Variants in PHLDB2 observed in about 807,000 individuals in gnomAD.
PHLDB2 encodes the protein pleckstrin homology-like domain family B member 2.
In PHLDB2, 71 loss-of-function variants were observed where a neutral mutation model predicts 123.6. That is an observed-to-expected ratio of 0.57 (90% CI 0.47 to 0.70). The LOEUF (loss-of-function observed/expected upper bound fraction) is 0.70. PHLDB2 is among the 30% of genes least tolerant of loss of function. The pLI is 0.00. For missense variants in PHLDB2, 1,446 were observed against 1,519.5 expected, an observed-to-expected ratio of 0.95 and a Z score of 0.80; for synonymous variants, 547 against 541.6, an observed-to-expected ratio of 1.01 and a Z score of -0.14.
chr3:111,793,428 G>A (rs1375320244), intron 1 of PHLDB2, among the ~76,000 whole-genome samples: 2 of 151,994 alleles, frequency 1.3e-5, no homozygotes, highest in East Asian at 1.9e-4. Flanking sequence ...CTCCCTTCAG[G>A]GCAGTGGACT....
At chr3:111,923,516 C>G (rs910738243) in intron 5 of PHLDB2, among the ~76,000 whole-genome samples, 7 of 152,142 alleles carry the variant, frequency 4.6e-5, no homozygotes, top group African/African-American at 1.7e-4. Context: ...GTTCATAACC[C>G]TTTTTGGAAT....
chr3:111,823,957 A>T (rs1441028138), intron 1 of PHLDB2, among the ~76,000 whole-genome samples: 1 of 152,124 alleles, frequency 6.6e-6, no homozygotes, highest in Non-Finnish European at 1.5e-5. Flanking sequence ...TTCATCTGGG[A>T]TTACTCATAA....
At chr3:111,861,093 A>G (rs932228481) in intron 1 of PHLDB2, among the ~76,000 whole-genome samples, 3 of 152,210 alleles carry the variant, frequency 2.0e-5, no homozygotes, top group Non-Finnish European at 4.4e-5. Context: ...TGCCCTGTGA[A>G]CACTTGAATT....
intron 2 of PHLDB2, among the ~76,000 whole-genome samples, chr3:111,898,916 A>G (rs893899996): frequency 2.0e-5 from 3 of 152,226 alleles, no homozygotes; most frequent in South Asian, 2.1e-4. Flanking sequence ...AAAGTCATCC[A>G]TAAGGACTGG....
At chr3:111,935,500 A>AAGAT (rs67765854) in intron 6 of PHLDB2, among the ~76,000 whole-genome samples, 54,666 of 145,432 alleles carry the variant, frequency 0.38, 10,275 homozygotes, top group South Asian at 0.42. Context: ...ATGTGTATAT[A>AAGAT]AGATAGATAG....
At chr3:111,838,666 A>G (rs1021723832) in intron 1 of PHLDB2, among the ~76,000 whole-genome samples, 4 of 152,234 alleles carry the variant, frequency 2.6e-5, no homozygotes, top group Non-Finnish European at 4.4e-5. Flanking sequence ...CTGAATTTCC[A>G]ACAGAACTTT....
intron 1 of PHLDB2, among the ~76,000 whole-genome samples, chr3:111,775,841 A>C (rs2108065298): frequency 6.6e-6 from 1 of 152,304 alleles, no homozygotes; most frequent in South Asian, 2.1e-4. Context: ...AATTAGTGAG[A>C]GCTCAGAATT....
At chr3:111,948,839 C>G (rs2070502542) in intron 9 of PHLDB2, 93 bp from the exon 10 acceptor site, 7 of 1,251,238 alleles carry the variant, frequency 5.6e-6, no homozygotes, top group South Asian at 5.6e-5. Flanking sequence ...CTGTGCCGCT[C>G]TAAGCTAACT....
intron 1 of PHLDB2, among the ~76,000 whole-genome samples, chr3:111,869,792 A>G (rs1456676810): frequency 3.3e-5 from 5 of 152,252 alleles, no homozygotes; most frequent in African/African-American, 1.2e-4. Context: ...AAGAATAAAC[A>G]AGCCTCCTTA....
intron 1 of PHLDB2, among the ~76,000 whole-genome samples, chr3:111,861,244 G>A (rs2064823187): frequency 6.6e-6 from 1 of 152,196 alleles, no homozygotes; most frequent in South Asian, 2.1e-4. Context: ...AATAAAGAGC[G>A]AAGGTTCTTT....
chr3:111,810,513 T>C (rs74989081), intron 1 of PHLDB2, among the ~76,000 whole-genome samples: 4,383 of 152,226 alleles, frequency 0.029, 82 homozygotes, highest in South Asian at 0.063. Context: ...CCTTGGTGCA[T>C]GTATGTGAAG....
At chr3:111,784,214 G>T (rs1027888874) in intron 1 of PHLDB2, among the ~76,000 whole-genome samples, 6 of 152,086 alleles carry the variant, frequency 3.9e-5, no homozygotes, top group African/African-American at 1.2e-4. Flanking sequence ...GTCCGAACAG[G>T]AATTTCTCTT....
chr3:111,819,589 C>T (rs1371955603), intron 1 of PHLDB2, among the ~76,000 whole-genome samples: 1 of 152,148 alleles, frequency 6.6e-6, no homozygotes, highest in Non-Finnish European at 1.5e-5. Context: ...ATTTGTACAA[C>T]AGAGAATTTT....
intron 3 of PHLDB2, among the ~76,000 whole-genome samples, chr3:111,918,618 G>A (rs1157744224): frequency 3.3e-5 from 5 of 152,200 alleles, no homozygotes; most frequent in African/African-American, 1.2e-4. Context: ...GGCTTTTGCA[G>A]ATGTCCTCAC....
At chr3:111,867,413 C>G (rs2065139569) in intron 1 of PHLDB2, among the ~76,000 whole-genome samples, 1 of 151,122 alleles carries the variant, frequency 6.6e-6, no homozygotes, top group Non-Finnish European at 1.5e-5. Context: ...TAAATGTATA[C>G]TAAAATAATA....
At position 111,885,044 on chromosome 3, in the gene PHLDB2, C is replaced by T. The variant is rs754155978; in HGVS notation, c.967C>T (p.Pro323Ser). The T allele has an allele frequency of 1.9e-6, 3 of 1,614,076 alleles. No homozygotes were observed. The Admixed American group carries it at 5.0e-5, about 27-fold the overall frequency. ...TAAAACCTCTGCTTCTGAAGGCAATCCTTATGTAAGTTCTACCCTCAGTGT... is the reference window on the plus strand; with the variant it reads ...TAAAACCTCTGCTTCTGAAGGCAATTCTTATGTAAGTTCTACCCTCAGTGT... ...PYKTSASEGN[P>S]YVSSTLSVPA... The change falls in exon 2 of 18, where the codon CCT becomes TCT. Residue 323 changes from proline (P) to serine (S), a missense_variant. Transcript: ENST00000431670.
intron 1 of PHLDB2, among the ~76,000 whole-genome samples, chr3:111,753,682 T>C (rs201199456): frequency 1.3e-5 from 2 of 152,304 alleles, no homozygotes; most frequent in South Asian, 4.1e-4. Flanking sequence ...TTTTGGCTTT[T>C]GTTGCCATTG....
chr3:111,781,670 T>A (rs996610745), intron 1 of PHLDB2, among the ~76,000 whole-genome samples: 1 of 152,156 alleles, frequency 6.6e-6, no homozygotes, highest in Non-Finnish European at 1.5e-5. Context: ...TGATCATTAG[T>A]TTTTCAAATA....
At chr3:111,753,156 A>AT (rs1417433492) in intron 1 of PHLDB2, among the ~76,000 whole-genome samples, 2 of 151,120 alleles carry the variant, frequency 1.3e-5, no homozygotes, top group Non-Finnish European at 2.9e-5. Context: ...TCCTTTGGGT[A>AT]TATACCCAGT....
Sources: allele counts gnomAD v4.1 joint callset (sites outside exome capture counted in the v4.1 genomes callset), GRCh38; gene constraint gnomAD v4.1.1; transcripts MANE v1.5; gene names NCBI Gene and HGNC (gene_info 2026-07-23, HGNC 2026-07-21).